The following FSHR variants were observed in gnomAD, a reference collection of about 807,000 sequenced individuals.
The protein encoded by FSHR is follicle-stimulating hormone receptor.
Under a neutral mutation model 52.1 loss-of-function variants are expected in FSHR, and 46 were observed. The ratio of observed to expected loss-of-function variants is 0.88; its 90% CI spans 0.70 to 1.13. The LOEUF (loss-of-function observed/expected upper bound fraction) is 1.13. FSHR is among the 50% of genes most tolerant of loss of function. FSHR has a pLI of 0.00. For synonymous variants in FSHR, 399 were observed against 309.6 expected (o/e 1.29, Z -3.03); for missense variants, 964 against 834.6 (o/e 1.16, Z -1.91).
At chr2:49,048,444 G>T (rs1668739390) in intron 2 of FSHR, among the ~76,000 whole-genome samples, 1 of 152,108 alleles carries the variant, frequency 6.6e-6, no homozygotes, top group East Asian at 1.9e-4. Context: ...AGAGGGAAAG[G>T]GCAGGATTAG....
chr2:49,078,394 C>G (rs1288317631), intron 1 of FSHR, among the ~76,000 whole-genome samples: 1 of 152,134 alleles, frequency 6.6e-6, no homozygotes, highest in African/African-American at 2.4e-5. Flanking sequence ...CTAGCCAAAC[C>G]ATATCAGCTA....
intron 4 of FSHR, among the ~76,000 whole-genome samples, chr2:49,000,045 C>T (rs528901672): frequency 9.0e-4 from 137 of 152,148 alleles, no homozygotes; most frequent in Middle Eastern, 3.4e-3. Flanking sequence ...ATTCTTCTAC[C>T]GTGATGTACA....
chr2:49,009,288 TTTCCCC>T (rs1667183578), intron 4 of FSHR, among the ~76,000 whole-genome samples: 1 of 151,260 alleles, frequency 6.6e-6, no homozygotes, highest in South Asian at 2.1e-4. Flanking sequence ...TAGGGAATCC[TTTCCCC>T]ATTGCTTGTT....
intron 4 of FSHR, among the ~76,000 whole-genome samples, chr2:49,008,240 T>C (rs1249725475): frequency 1.6e-5 from 2 of 123,716 alleles, no homozygotes; most frequent in South Asian, 3.0e-4. Flanking sequence ...TGTGATCTCA[T>C]TGTTCAATTC....
rs1388490538 is a variant in FSHR at position 49,136,009 on chromosome 2, C to A, written c.152+18257G>T. On this transcript the variant is annotated intron_variant, in intron 1 of 9. Coordinates refer to ENST00000406846, the MANE Select transcript of FSHR (RefSeq NM_000145.4). ...TAAAAGTCGCCCCACATAGTTTAAT[C>A]CATGTTGTTCTATGGTCAAGTGTCA... Among the ~76,000 whole-genome samples the A allele has an allele frequency of 8.6e-5, 13 of 151,366 alleles. No homozygotes were observed. The East Asian group carries it at 2.5e-3, about 29-fold the overall frequency.
chr2:49,149,555 A>G (rs1672987113), intron 1 of FSHR, among the ~76,000 whole-genome samples: 2 of 152,092 alleles, frequency 1.3e-5, no homozygotes, highest in African/African-American at 4.8e-5. Flanking sequence ...AAAGTGGCTC[A>G]GTTTGCAAAC....
At chr2:49,143,002 G>C (rs948095728) in intron 1 of FSHR, among the ~76,000 whole-genome samples, 2 of 152,120 alleles carry the variant, frequency 1.3e-5, no homozygotes, top group African/African-American at 4.8e-5. Context: ...GAGAAGTCAA[G>C]GTTTCAGTTG....
chr2:49,035,067 C>T (rs910413240), intron 2 of FSHR, among the ~76,000 whole-genome samples: 2 of 152,194 alleles, frequency 1.3e-5, no homozygotes, highest in East Asian at 1.9e-4. Context: ...GTGTCACATT[C>T]GACGTGTTTC....
chr2:49,052,637 A>C (rs1376990281), intron 2 of FSHR, among the ~76,000 whole-genome samples: 2 of 152,140 alleles, frequency 1.3e-5, no homozygotes, highest in African/African-American at 2.4e-5. Context: ...CAGGGACTCA[A>C]ATCCCCTCTT....
intron 2 of FSHR, among the ~76,000 whole-genome samples, chr2:49,040,216 AG>A (rs1297727962): frequency 6.6e-6 from 1 of 152,154 alleles, no homozygotes; most frequent in Non-Finnish European, 1.5e-5. Flanking sequence ...TTTTAGAAAA[AG>A]GCCTTATAAA....
At chr2:49,029,689 C>T (rs1256420089) in intron 2 of FSHR, among the ~76,000 whole-genome samples, 1 of 152,160 alleles carries the variant, frequency 6.6e-6, no homozygotes. Flanking sequence ...ATGCAAAGGT[C>T]GTGCTGCTTA....
intron 4 of FSHR, among the ~76,000 whole-genome samples, chr2:48,997,571 T>C (rs1419324100): frequency 6.6e-6 from 1 of 152,006 alleles, no homozygotes; most frequent in Non-Finnish European, 1.5e-5. Context: ...TTTTAAGATG[T>C]GTAGCCTTAG....
At chr2:49,031,596 G>A (rs1424665037) in intron 2 of FSHR, among the ~76,000 whole-genome samples, 1 of 152,140 alleles carries the variant, frequency 6.6e-6, no homozygotes, top group Non-Finnish European at 1.5e-5. Context: ...TTTCATTAAT[G>A]CACTCTAGTT....
chr2:49,088,337 A>C (rs1255663291), intron 1 of FSHR, among the ~76,000 whole-genome samples: 1 of 152,222 alleles, frequency 6.6e-6, no homozygotes, highest in Non-Finnish European at 1.5e-5. Context: ...GACAGCAGTC[A>C]TGCGAGGTTG....
chr2:49,148,881 T>G (rs1178761978), intron 1 of FSHR, among the ~76,000 whole-genome samples: 1 of 151,976 alleles, frequency 6.6e-6, no homozygotes, highest in Non-Finnish European at 1.5e-5. Context: ...GATGAGCTAT[T>G]GAATGTTTTT....
At chr2:49,151,828 A>G (rs541092358) in intron 1 of FSHR, among the ~76,000 whole-genome samples, 1 of 152,150 alleles carries the variant, frequency 6.6e-6, no homozygotes, top group South Asian at 2.1e-4. Context: ...CAGTCTTTTT[A>G]AGGAAGCAAA....
At chr2:48,967,965 G>A (rs573793945) in intron 9 of FSHR, among the ~76,000 whole-genome samples, 1 of 152,330 alleles carries the variant, frequency 6.6e-6, no homozygotes, top group East Asian at 1.9e-4. Context: ...TGAGAACTCT[G>A]ATACTCAGTA....
At chr2:49,109,448 C>T (rs1363941443) in intron 1 of FSHR, among the ~76,000 whole-genome samples, 1 of 152,142 alleles carries the variant, frequency 6.6e-6, no homozygotes, top group East Asian at 1.9e-4. Flanking sequence ...ACAGATAATT[C>T]TGACTACAAT....
chr2:49,127,519 T>TACAC (rs72289679), intron 1 of FSHR, among the ~76,000 whole-genome samples: 2,246 of 147,132 alleles, frequency 0.015, 22 homozygotes, highest in Non-Finnish European at 0.023. Context: ...ACCACCACAA[T>TACAC]ACACACACAC....
Sources: allele counts gnomAD v4.1 joint callset (sites outside exome capture counted in the v4.1 genomes callset), GRCh38; gene constraint gnomAD v4.1.1; transcripts MANE v1.5; gene names NCBI Gene and HGNC (gene_info 2026-07-23, HGNC 2026-07-21).